BAZ2B: variants seen among roughly 807,000 people sequenced by gnomAD.
The protein encoded by BAZ2B is bromodomain adjacent to zinc finger domain protein 2B.
In BAZ2B, 91 loss-of-function variants were observed where a neutral mutation model predicts 246.0. That is an observed-to-expected ratio of 0.37 (90% CI 0.31 to 0.44). The LOEUF is 0.44. BAZ2B is among the 20% of genes least tolerant of loss of function. The pLI, the probability that BAZ2B is intolerant of heterozygous loss-of-function variation, is 1.00. For synonymous variants in BAZ2B, 855 were observed against 860.0 expected (o/e 0.99, Z 0.10); for missense variants, 2,332 against 2,533.7 (o/e 0.92, Z 1.71).
chr2:159,349,316 T>C, intron 28 of BAZ2B, 36 bp from the exon 29 acceptor site: 1 of 1,541,760 alleles, frequency 6.5e-7, no homozygotes, highest in Non-Finnish European at 8.7e-7. Flanking sequence ...GAAAAGTAGA[T>C]TACTCTAAGA....
the BAZ2B span, among the ~76,000 whole-genome samples, chr2:159,672,075 GTATAAAGTTTATA>G: frequency 6.6e-6 from 1 of 151,736 alleles, no homozygotes; most frequent in African/African-American, 2.4e-5. Flanking sequence ...CTAAACTTTT[GTATAAAGTTTATA>G]TTAGGCATTA....
the BAZ2B span, among the ~76,000 whole-genome samples, chr2:159,686,967 G>A: frequency 5.9e-4 from 90 of 151,298 alleles, 1 homozygote; most frequent in Non-Finnish European, 1.0e-3. Context: ...GCGTCAACCC[G>A]GGTGGCGGAG....
the BAZ2B span, among the ~76,000 whole-genome samples, chr2:159,660,195 A>G: frequency 6.6e-6 from 1 of 152,180 alleles, no homozygotes; most frequent in Non-Finnish European, 1.5e-5. Context: ...CATATATATC[A>G]CAAATAAGTG....
intron 2 of BAZ2B, among the ~76,000 whole-genome samples, chr2:159,506,914 T>C (rs2082388750): frequency 6.6e-6 from 1 of 152,134 alleles, no homozygotes; most frequent in South Asian, 2.1e-4. Context: ...AGATAAACTA[T>C]CCAAAGAGGT....
At chr2:159,473,203 C>G (rs1165758400) in intron 3 of BAZ2B, among the ~76,000 whole-genome samples, 1 of 152,008 alleles carries the variant, frequency 6.6e-6, no homozygotes, top group Non-Finnish European at 1.5e-5. Flanking sequence ...TGGTCCTGGG[C>G]TTCATTTGGT....
At chr2:159,443,062 C>T (rs898876616) in intron 6 of BAZ2B, among the ~76,000 whole-genome samples, 4 of 152,134 alleles carry the variant, frequency 2.6e-5, no homozygotes, top group African/African-American at 9.7e-5. Flanking sequence ...AGTAGAATTG[C>T]AGAATCAAAT....
chr2:159,519,846 T>A (rs72950412), intron 2 of BAZ2B, among the ~76,000 whole-genome samples: 32,710 of 139,506 alleles, frequency 0.23, 5,337 homozygotes, highest in Non-Finnish European at 0.34. Context: ...TGAAATGAGT[T>A]CCTCTTTTCG....
At position 159,429,254 on chromosome 2, in the gene BAZ2B, G is replaced by T; in HGVS notation, c.2201C>A (p.Ser734Tyr). 1 of 1,541,008 alleles carries T rather than the reference G, an allele frequency of 6.5e-7. No individual in the cohort carries two copies. Among genetic ancestry groups the T allele is most frequent in the Non-Finnish European group, 8.8e-7 (1 of 1,136,778 alleles). Residue 734 changes from serine (S) to tyrosine (Y), a missense_variant, in exon 11 of 37, where the codon TCC (serine) becomes TAC (tyrosine). Physicochemically the swap from Ser to Tyr is moderately radical, Grantham distance 144 (BLOSUM62 -2). Around this residue, in one of 9 missense-constraint regions of BAZ2B, gnomAD observed 651 missense variants for 650.9 expected, o/e 1.00. Transcript: ENST00000392783. ...TTCATCTGTTACTCTTCTTCTTTTGGAAGTGCCTTTAAAAAAATTCAATTG... is the reference window on the plus strand; with the variant it reads ...TTCATCTGTTACTCTTCTTCTTTTGTAAGTGCCTTTAAAAAAATTCAATTG... ...TLTSSPHSGT[S>Y]KRRRVTDERE...
chr2:159,468,570 T>A lies in BAZ2B; in HGVS notation c.145+10005A>T, dbSNP rs553675351. 2.0e-5 allele frequency among the ~76,000 whole-genome samples: 3 copies of A among 152,252 alleles called. No individual in the cohort carries two copies. In the East Asian group the frequency reaches 5.8e-4, roughly 29 times the overall value. ...ATGTTAATGACTTCCAAACTACCCATCAGCCAAAGAAGAATTAACAAAGGA... is the reference window on the plus strand; with the variant it reads ...ATGTTAATGACTTCCAAACTACCCAACAGCCAAAGAAGAATTAACAAAGGA... On this transcript the variant is annotated intron_variant, in intron 3 of 36. Coordinates refer to ENST00000392783, the MANE Select transcript of BAZ2B (RefSeq NM_013450.4).
the BAZ2B span, among the ~76,000 whole-genome samples, chr2:159,704,576 G>A: frequency 1.3e-4 from 19 of 145,892 alleles, no homozygotes; most frequent in Admixed American, 2.8e-4. Flanking sequence ...TCCACCTCCC[G>A]GGTTCAAGTG....
At chr2:159,605,535 G>C (rs762580367) in intron 1 of BAZ2B, among the ~76,000 whole-genome samples, 1 of 151,998 alleles carries the variant, frequency 6.6e-6, no homozygotes, top group Admixed American at 6.6e-5. Flanking sequence ...TTTCACAAAA[G>C]GTGGCTCATA....
chr2:159,573,654 T>C lies in BAZ2B; in HGVS notation c.-45-17789A>G, dbSNP rs1208768110. ...AAAGCACAAGCAATCAAAGGAAAAA[T>C]AGATAACGTGGACTTTTGTCCTTCA... On this transcript the variant is annotated intron_variant, in intron 1 of 36. Coordinates refer to ENST00000392783, the MANE Select transcript of BAZ2B (RefSeq NM_013450.4). Among the ~76,000 whole-genome samples the C allele has an allele frequency of 3.3e-5, 5 of 152,114 alleles. No individual in the cohort carries two copies. The South Asian group carries it at 8.3e-4, about 25-fold the overall frequency.
chr2:159,325,135 A>G lies in BAZ2B; in HGVS notation c.6210-181T>C, dbSNP rs1485774876. ...ATATATTTTATATATATATATATAT[A>G]TATATATATATATGAGATAGGGTCT... is the stretch of plus-strand genomic sequence containing the variant. On this transcript the variant is annotated intron_variant, in intron 35 of 36. Coordinates refer to ENST00000392783, the MANE Select transcript of BAZ2B (RefSeq NM_013450.4). 7.3e-3 allele frequency among the ~76,000 whole-genome samples: 314 copies of G among 42,846 alleles called. 7 individuals are homozygous for G. Among genetic ancestry groups the G allele is most frequent in the Middle Eastern group, 0.028 (2 of 72 alleles). The allele number at this position is 42,846 out of a possible 152,430, so 28.1% of individuals were successfully genotyped here.
chr2:159,376,192 A>G (rs1405474399), intron 25 of BAZ2B, among the ~76,000 whole-genome samples: 2 of 152,182 alleles, frequency 1.3e-5, no homozygotes. Context: ...TACCTACTAC[A>G]TGAAGGTTTT....
chr2:159,341,678 C>A (rs2066757024), intron 31 of BAZ2B, among the ~76,000 whole-genome samples: 1 of 152,108 alleles, frequency 6.6e-6, no homozygotes, highest in African/African-American at 2.4e-5. Flanking sequence ...TCTTCTCTGA[C>A]TACATGGAAA....
chr2:159,496,723 C>T (rs193237043), intron 2 of BAZ2B, among the ~76,000 whole-genome samples: 5 of 124,400 alleles, frequency 4.0e-5, no homozygotes, highest in African/African-American at 1.5e-4. Context: ...GTGGATGTTG[C>T]GGTGAGCCAA....
chr2:159,632,942 A>G, the BAZ2B span, among the ~76,000 whole-genome samples: 32 of 152,232 alleles, frequency 2.1e-4, no homozygotes, highest in Non-Finnish European at 4.1e-4. Context: ...AATTGCAACC[A>G]TAGATTGGCT....
intron 2 of BAZ2B, among the ~76,000 whole-genome samples, chr2:159,486,974 T>C (rs936830888): frequency 1.3e-5 from 2 of 152,174 alleles, no homozygotes; most frequent in Admixed American, 6.5e-5. Context: ...CATATACTTG[T>C]ATGCTCATAG....
chr2:159,614,145 T>C (rs923802612), intron 1 of BAZ2B, among the ~76,000 whole-genome samples: 4 of 152,174 alleles, frequency 2.6e-5, no homozygotes, highest in Non-Finnish European at 5.9e-5. Flanking sequence ...CACTTTCCCA[T>C]TCAATATACA....
Sources: gnomAD v4.1 joint callset for allele counts (sites outside exome capture counted in the v4.1 genomes callset) on GRCh38, gnomAD v4.1.1 for gene constraint, gnomAD v4.1.1 regional missense constraint, MANE v1.5 for transcripts, NCBI Gene and HGNC (gene_info 2026-07-23, HGNC 2026-07-21) for gene names.